Variants in KCNH5 observed in about 807,000 individuals in gnomAD.
KCNH5 encodes voltage-gated delayed rectifier potassium channel KCNH5.
KCNH5 carries 46 observed loss-of-function variants against 96.1 expected under a neutral mutation model. The observed-to-expected ratio is 0.48, with a 90% CI of 0.38 to 0.61. The LOEUF is 0.61. Among genes scored for constraint, KCNH5 ranks in the 20% least tolerant of loss-of-function variants. The probability of loss-of-function intolerance (pLI) is 0.00; values close to 1 mark genes in which losing one functional copy is unlikely to be tolerated. For synonymous variants in KCNH5, 439 were observed against 449.8 expected (o/e 0.98, Z 0.30); for missense variants, 907 against 1,225.8 (o/e 0.74, Z 3.88).
intron 9 of KCNH5, among the ~76,000 whole-genome samples, chr14:62,785,443 A>G (rs562954588): frequency 6.6e-6 from 1 of 152,308 alleles, no homozygotes; most frequent in Admixed American, 6.5e-5. Context: ...CGGTTCATCT[A>G]CTTGACTACA....
chr14:62,811,734 C>T (rs1329334783), intron 8 of KCNH5, among the ~76,000 whole-genome samples: 6 of 151,974 alleles, frequency 3.9e-5, no homozygotes, highest in African/African-American at 1.5e-4. Context: ...GAACACCTTC[C>T]TTTATGCTCA....
At chr14:62,894,853 A>G (rs1029097137) in intron 7 of KCNH5, among the ~76,000 whole-genome samples, 1 of 152,208 alleles carries the variant, frequency 6.6e-6, no homozygotes, top group Non-Finnish European at 1.5e-5. Flanking sequence ...CAGATATTTC[A>G]AAAGACAACT....
At chr14:62,849,581 G>C in intron 8 of KCNH5, 72 bp downstream of exon 8, 1 of 1,211,960 alleles carries the variant, frequency 8.3e-7, no homozygotes, top group East Asian at 2.3e-5. Flanking sequence ...AGCAATACGT[G>C]ACTGGAAAAG....
intron 1 of KCNH5, among the ~76,000 whole-genome samples, chr14:63,033,712 A>G (rs1439298342): frequency 6.6e-6 from 1 of 152,216 alleles, no homozygotes; most frequent in East Asian, 1.9e-4. Context: ...AAAGTCATAC[A>G]GTCAGTCAAT....
chr14:62,753,211 C>G (rs1431231159), intron 10 of KCNH5, among the ~76,000 whole-genome samples: 1 of 152,090 alleles, frequency 6.6e-6, no homozygotes, highest in African/African-American at 2.4e-5. Flanking sequence ...AAATGACATA[C>G]TGATGAATGC....
At chr14:62,790,672 G>A (rs1236154012) in intron 9 of KCNH5, among the ~76,000 whole-genome samples, 1 of 149,234 alleles carries the variant, frequency 6.7e-6, no homozygotes, top group African/African-American at 2.5e-5. Flanking sequence ...GTGCTTTATA[G>A]TTTTCTGTGT....
Position 63,045,258 on chromosome 14 carries a change from AGAG to A in KCNH5, c.-75_-73del. The stretch of plus-strand genomic sequence containing the variant: ...GGATGCAGGCAAAGAAGGTGGAGGA[AGAG>A]GAGGAAAAGGTGGAAGAGAAGATTG... On this transcript the variant is annotated 5_prime_UTR_variant, in exon 1 of 11. Transcript: ENST00000322893. 8.3e-7 allele frequency: 1 copy of A among 1,202,414 alleles called. No homozygotes were observed. Among genetic ancestry groups the A allele is most frequent in the Non-Finnish European group, 1.2e-6 (1 of 815,590 alleles). 74.5% of individuals were successfully genotyped at this position (1,202,414 alleles called of 1,614,324 possible).
chr14:63,013,340 G>A (rs1891264379), intron 2 of KCNH5, among the ~76,000 whole-genome samples: 1 of 151,994 alleles, frequency 6.6e-6, no homozygotes, highest in Non-Finnish European at 1.5e-5. Flanking sequence ...TTTTTTCTGA[G>A]ATATATAGTG....
In KCNH5 at chr14:62,849,657, T is replaced by C; in HGVS notation, c.1565A>G (p.Glu522Gly). Reference protein sequence around the residue: ...TWSMSKGIDTEKVLSICPKDM... With the variant: ...TWSMSKGIDTGKVLSICPKDM... Reference sequence around the variant, plus strand: ...AATAACAATAATAACCCATACCTTTTCTGTATCAATGCCTTTTGACATGGA... The same window carrying C: ...AATAACAATAATAACCCATACCTTTCCTGTATCAATGCCTTTTGACATGGA... The change falls in exon 8 of 11, where the codon GAA (glutamate) becomes GGA (glycine). Residue 522 changes from glutamate to glycine, a missense_variant. Around this residue, in one of 6 missense-constraint regions of KCNH5, gnomAD observed 95 missense variants for 111.8 expected, o/e 0.85. Coordinates refer to ENST00000322893, the MANE Select transcript of KCNH5 (RefSeq NM_139318.5). The C allele has an allele frequency of 6.2e-7, 1 of 1,612,962 alleles. No homozygotes were observed. Among genetic ancestry groups the C allele is most frequent in the Non-Finnish European group, 8.5e-7 (1 of 1,179,110 alleles).
At chr14:62,757,906 G>A (rs12881664) in intron 10 of KCNH5, among the ~76,000 whole-genome samples, 68,949 of 151,924 alleles carry the variant, frequency 0.45, 17,251 homozygotes, top group South Asian at 0.77. Flanking sequence ...AGCACTTCGG[G>A]AGGCTACGGT....
At chr14:62,929,429 T>C (rs78349038) in intron 7 of KCNH5, among the ~76,000 whole-genome samples, 1,762 of 152,148 alleles carry the variant, frequency 0.012, 35 homozygotes, top group East Asian at 0.085. Context: ...TGTTAAAATA[T>C]GTCATATCAT....
intron 7 of KCNH5, among the ~76,000 whole-genome samples, chr14:62,889,835 G>A (rs1249646060): frequency 6.6e-6 from 1 of 152,174 alleles, no homozygotes; most frequent in Non-Finnish European, 1.5e-5. Flanking sequence ...AATTATCCAT[G>A]GGTATTAAAG....
intron 10 of KCNH5, among the ~76,000 whole-genome samples, chr14:62,753,337 A>G (rs1885544610): frequency 6.6e-6 from 1 of 152,156 alleles, no homozygotes; most frequent in Non-Finnish European, 1.5e-5. Context: ...AGAAAACATG[A>G]CTAAAGTTCT....
chr14:62,973,850 G>A (rs1890453915), intron 6 of KCNH5, among the ~76,000 whole-genome samples: 1 of 152,114 alleles, frequency 6.6e-6, no homozygotes, highest in African/African-American at 2.4e-5. Context: ...TTTCTAACAT[G>A]TTATTCTTTG....
At chr14:63,028,158 G>C (rs935167878) in intron 1 of KCNH5, among the ~76,000 whole-genome samples, 2 of 151,744 alleles carry the variant, frequency 1.3e-5, no homozygotes, top group African/African-American at 4.8e-5. Flanking sequence ...CAAGACATTT[G>C]TTAGGATTTG....
intron 2 of KCNH5, 122 bp downstream of exon 2, chr14:63,016,709 T>G (rs1252791279): frequency 7.8e-5 from 73 of 935,712 alleles, no homozygotes; most frequent in Non-Finnish European, 1.5e-6. Flanking sequence ...CTCCCTAATA[T>G]TCTAACATAA....
chr14:62,939,948 A>T (rs1157532132), intron 7 of KCNH5, among the ~76,000 whole-genome samples: 20 of 152,170 alleles, frequency 1.3e-4, no homozygotes, highest in Non-Finnish European at 2.9e-5. Context: ...CTCAAAAAAA[A>T]AATTTTTTCA....
At chr14:62,783,744 T>C (rs936608877) in intron 9 of KCNH5, among the ~76,000 whole-genome samples, 2 of 152,120 alleles carry the variant, frequency 1.3e-5, no homozygotes, top group African/African-American at 4.8e-5. Flanking sequence ...TGTAAAAATA[T>C]GTGTAAAATA....
intron 7 of KCNH5, among the ~76,000 whole-genome samples, chr14:62,897,422 G>A (rs1256706837): frequency 6.6e-6 from 1 of 152,118 alleles, no homozygotes; most frequent in Non-Finnish European, 1.5e-5. Flanking sequence ...GGAAAGAAAT[G>A]TTTTTCTAGA....
Sources: gnomAD v4.1 joint callset for allele counts (sites outside exome capture counted in the v4.1 genomes callset) on GRCh38, gnomAD v4.1.1 for gene constraint, gnomAD v4.1.1 regional missense constraint, MANE v1.5 for transcripts, NCBI Gene and HGNC (gene_info 2026-07-23, HGNC 2026-07-21) for gene names.